The following CASZ1 variants were observed in gnomAD, a reference collection of about 807,000 sequenced individuals.
CASZ1 encodes the protein zinc finger protein castor homolog 1.
In CASZ1, 28 loss-of-function variants were observed where a neutral mutation model predicts 135.2. The observed-to-expected ratio is 0.21, with a 90% CI of 0.15 to 0.28. CASZ1 has a LOEUF of 0.28. Among genes scored for constraint, CASZ1 ranks in the 10% least tolerant of loss-of-function variants. The pLI, the probability that CASZ1 is intolerant of heterozygous loss-of-function variation, is 1.00. For missense variants in CASZ1, 2,161 were observed against 2,453.3 expected (o/e 0.88, Z 2.52); for synonymous variants, 1,068 against 1,073.4 (o/e 0.99, Z 0.10).
chr1:10,647,782 G>T lies in CASZ1; in HGVS notation c.3497+19C>A. On this transcript the variant is annotated intron_variant, in intron 16 of 20. Coordinates refer to ENST00000377022, the MANE Select transcript of CASZ1 (RefSeq NM_001079843.3). The surrounding 1 kb of genome is among the most constrained non-coding windows in gnomAD (Gnocchi z 4.9). ...GACGCGAGGGGAACGCGGGACTCCCGGCTCATCGAGGGACTCACTTCTCCT... is the reference window on the plus strand; with the variant it reads ...GACGCGAGGGGAACGCGGGACTCCCTGCTCATCGAGGGACTCACTTCTCCT... 6.2e-7 allele frequency: 1 copy of T among 1,612,728 alleles called. No homozygotes were observed. The highest frequency in any genetic ancestry group is 8.5e-7 in the Non-Finnish European group (1 of 1,180,006).
intron 3 of CASZ1, among the ~76,000 whole-genome samples, chr1:10,702,565 C>T (rs1037024972): frequency 2.0e-5 from 3 of 152,148 alleles, no homozygotes; most frequent in African/African-American, 4.8e-5. Context: ...AGAGGAATCA[C>T]GAAGACCAGA....
At chr1:10,789,374 C>G (rs925256461) in intron 1 of CASZ1, among the ~76,000 whole-genome samples, 63 of 151,536 alleles carry the variant, frequency 4.2e-4, no homozygotes, top group Non-Finnish European at 1.6e-4. Context: ...CCCCGCACCC[C>G]CTCCTCTGCT....
chr1:10,770,199 C>A (rs1364932077), intron 1 of CASZ1, among the ~76,000 whole-genome samples: 1 of 152,162 alleles, frequency 6.6e-6, no homozygotes, highest in Non-Finnish European at 1.5e-5. Flanking sequence ...ATACTCCCAC[C>A]TCAGCCTCTC....
At position 10,642,990 on chromosome 1, in the gene CASZ1, C is replaced by A; in HGVS notation, c.4031G>T (p.Gly1344Val). The A allele has an allele frequency of 6.2e-7, 1 of 1,612,504 alleles. No homozygotes were observed. The highest frequency in any genetic ancestry group is 8.5e-7 in the Non-Finnish European group (1 of 1,179,604). Residue 1344 changes from glycine (G) to valine (V), a missense_variant, in exon 20 of 21, where the codon GGC becomes GTC. Gly to Val is a moderately radical substitution (Grantham distance 109). Transcript: ENST00000377022. The stretch of plus-strand genomic sequence containing the variant: ...CTCATCTGTCTCAGCATCCATCAGG[C>A]CTGGGGGGCCCTGAAAGGACACGGG... ...DRVPPSQGPP[G>V]LMDAETDECM...
intron 1 of CASZ1, among the ~76,000 whole-genome samples, chr1:10,773,566 T>G (rs1282019978): frequency 6.6e-6 from 1 of 151,632 alleles, no homozygotes; most frequent in Non-Finnish European, 1.5e-5. Flanking sequence ...GGACTGAACA[T>G]GGTGAGGGGA....
intron 9 of CASZ1, among the ~76,000 whole-genome samples, chr1:10,655,021 G>A (rs761913194): frequency 6.6e-5 from 10 of 152,130 alleles, no homozygotes; most frequent in Non-Finnish European, 1.5e-4. Context: ...CTGGGCACGG[G>A]GCCCTCCCAC....
At chr1:10,649,621 G>C in intron 13 of CASZ1, 184 bp from the exon 14 acceptor site, 1 of 659,118 alleles carries the variant, frequency 1.5e-6, no homozygotes, top group Non-Finnish European at 2.5e-6. Flanking sequence ...AGAGCCTGCT[G>C]TGCTGCCCCG....
rs1210252621 is a variant in CASZ1 at position 10,701,876 on chromosome 1, C to T, written c.-24+3616G>A. Among the ~76,000 whole-genome samples the T allele has an allele frequency of 6.6e-6, 1 of 152,168 alleles. No homozygotes were observed. The highest frequency in any genetic ancestry group is 1.5e-5 in the Non-Finnish European group (1 of 68,014). On this transcript the variant is annotated intron_variant, in intron 3 of 20. Coordinates refer to ENST00000377022, the MANE Select transcript of CASZ1 (RefSeq NM_001079843.3). This position sits in a 1 kb window ranked among gnomAD's most constrained non-coding sequence, Gnocchi z 6.3. Reference sequence around the variant, plus strand: ...CCGACCTGAGGGAGCCCATTCCTGCCAGCCTGACAAGCCAGGCCTCAGTTT... The same window carrying T: ...CCGACCTGAGGGAGCCCATTCCTGCTAGCCTGACAAGCCAGGCCTCAGTTT...
Position 10,653,681 on chromosome 1 carries a change from G to C in CASZ1, c.2376C>G (p.Asn792Lys). ...GSIPLALALS[N>K]SGLPTPTPYF... ...AGGGCGTGGGGGTGGGCAGGCCCGA[G>C]TTGGAGAGGGCCAGGGCCAGGGGGA... Residue 792 changes from asparagine (N) to lysine (K), a missense_variant, in exon 11 of 21, where the codon AAC becomes AAG. By Grantham distance (94) the Asn-to-Lys change is moderately conservative. This residue lies in a region of CASZ1 where 406 missense variants were observed against 387.6 expected (regional missense o/e 1.05). Coordinates refer to ENST00000377022, the MANE Select transcript of CASZ1 (RefSeq NM_001079843.3). The C allele has an allele frequency of 6.4e-7, 1 of 1,565,678 alleles. No individual in the cohort carries two copies. Among genetic ancestry groups the C allele is most frequent in the Non-Finnish European group, 8.6e-7 (1 of 1,156,382 alleles).
intron 4 of CASZ1, among the ~76,000 whole-genome samples, chr1:10,672,200 T>G (rs967627815): frequency 2.7e-5 from 4 of 149,924 alleles, no homozygotes; most frequent in African/African-American, 9.9e-5. Context: ...CTGTTTAACC[T>G]TCTCCCCCCT....
In CASZ1 at chr1:10,637,708, G is replaced by A. The variant is rs990201870; in HGVS notation, c.*1234C>T. 1 of 152,314 alleles carries A rather than the reference G, an allele frequency of 6.6e-6. No individual in the cohort carries two copies. The highest frequency in any genetic ancestry group is 2.4e-5 in the African/African-American group (1 of 41,404). 9.4% of individuals were successfully genotyped at this position (152,314 alleles called of 1,614,324 possible). On this transcript the variant is annotated 3_prime_UTR_variant, in exon 21 of 21. Coordinates refer to ENST00000377022, the MANE Select transcript of CASZ1 (RefSeq NM_001079843.3). ...TGCCTGCCAGGTCAGGCCCTGGCCCGGGCTTCGATGGCATCATCATCTCCA... is the reference window on the plus strand; with the variant it reads ...TGCCTGCCAGGTCAGGCCCTGGCCCAGGCTTCGATGGCATCATCATCTCCA...
At position 10,725,147 on chromosome 1, in the gene CASZ1, G is replaced by A. The variant is rs928322019; in HGVS notation, c.-76-19603C>T. 1.3e-5 allele frequency among the ~76,000 whole-genome samples: 2 copies of A among 152,158 alleles called. No individual in the cohort carries two copies. Among genetic ancestry groups the A allele is most frequent in the Non-Finnish European group, 2.9e-5 (2 of 68,020 alleles). ...GGGGTAGGATTCCCTAGTTGGCCAG[G>A]GAGCCCTGGATGGATACGGCGAGAA... On this transcript the variant is annotated intron_variant, in intron 2 of 20. Coordinates refer to ENST00000377022, the MANE Select transcript of CASZ1 (RefSeq NM_001079843.3). The surrounding 1 kb of genome is among the most constrained non-coding windows in gnomAD (Gnocchi z 4.4).
rs529815997 is a variant in CASZ1, at chr1:10,735,951, C to T, written c.-77+24750G>A. Among the ~76,000 whole-genome samples the T allele has an allele frequency of 3.3e-4, 51 of 152,252 alleles. No individual in the cohort carries two copies. In the Middle Eastern group the frequency reaches 0.01, roughly 30 times the overall value. ...CCCTGCGGACACCACTCTCTCCTACCCAGGGGCAGGGCAGTTTGACCTCCT... is the reference window on the plus strand; with the variant it reads ...CCCTGCGGACACCACTCTCTCCTACTCAGGGGCAGGGCAGTTTGACCTCCT... On this transcript the variant is annotated intron_variant, in intron 2 of 20. Coordinates refer to ENST00000377022, the MANE Select transcript of CASZ1 (RefSeq NM_001079843.3). The surrounding 1 kb of genome is among the most constrained non-coding windows in gnomAD (Gnocchi z 5.1).
At position 10,654,675 on chromosome 1, in the gene CASZ1, C is replaced by T. The variant is rs1196036142; in HGVS notation, c.1666-84G>A. Reference sequence around the variant, plus strand: ...CGACACCACTGTGTGTGGCTGGGGCCACTGACTTCCCTGCTCAGGGAAGCT... The same window carrying T: ...CGACACCACTGTGTGTGGCTGGGGCTACTGACTTCCCTGCTCAGGGAAGCT... On this transcript the variant is annotated intron_variant, in intron 9 of 20. Coordinates refer to ENST00000377022, the MANE Select transcript of CASZ1 (RefSeq NM_001079843.3). The T allele has an allele frequency of 6.7e-6, 9 of 1,336,530 alleles. No homozygotes were observed. In the East Asian group the frequency reaches 2.1e-4, roughly 31 times the overall value. The allele number at this position is 1,336,530 out of a possible 1,614,324, so 82.8% of individuals were successfully genotyped here. A position where few individuals can be genotyped will look rare whatever the true frequency, so the allele number is the denominator to read the frequency against.
At chr1:10,671,207 A>G (rs957603616) in intron 4 of CASZ1, among the ~76,000 whole-genome samples, 1 of 152,242 alleles carries the variant, frequency 6.6e-6, no homozygotes, top group African/African-American at 2.4e-5. Context: ...CAGGCTGGCT[A>G]TCAATCTCCC....
intron 1 of CASZ1, among the ~76,000 whole-genome samples, chr1:10,792,185 G>T (rs1570597902): frequency 6.8e-6 from 1 of 146,188 alleles, no homozygotes; most frequent in East Asian, 2.1e-4. Flanking sequence ...CTCAAGTATT[G>T]CCTGTTTTAT....
At position 10,796,586 on chromosome 1, in the gene CASZ1, T is replaced by A. The variant is rs1401132517; in HGVS notation, c.-256A>T. On this transcript the variant is annotated 5_prime_UTR_variant, in exon 1 of 21. Coordinates refer to ENST00000377022, the MANE Select transcript of CASZ1 (RefSeq NM_001079843.3). ...TACCTGCACTTGGGGCGGCTTTGGG[T>A]GACTTTCCAAGTCCGGGGGAAAAAT... 2 of 152,230 alleles carry A rather than the reference T, an allele frequency of 1.3e-5. No homozygotes were observed. Among genetic ancestry groups the A allele is most frequent in the Non-Finnish European group, 2.9e-5 (2 of 68,044 alleles). 9.4% of individuals were successfully genotyped at this position (152,230 alleles called of 1,614,324 possible).
chr1:10,671,337 C>T (rs999456646), intron 4 of CASZ1, among the ~76,000 whole-genome samples: 8 of 152,226 alleles, frequency 5.3e-5, no homozygotes, highest in South Asian at 2.1e-4. Context: ...CGCGCACACA[C>T]GCTCGGATGC....
intron 5 of CASZ1, among the ~76,000 whole-genome samples, chr1:10,664,318 C>T (rs894031791): frequency 6.6e-6 from 1 of 151,978 alleles, no homozygotes; most frequent in African/African-American, 2.4e-5. Context: ...CCTGGCGACC[C>T]CCTTGCCTGC....
Sources: gnomAD v4.1 joint callset for allele counts (sites outside exome capture counted in the v4.1 genomes callset) on GRCh38, gnomAD v4.1.1 for gene constraint, gnomAD v4.1.1 regional missense constraint, Gnocchi (gnomAD v3.1) non-coding constraint, MANE v1.5 for transcripts, NCBI Gene and HGNC (gene_info 2026-07-23, HGNC 2026-07-21) for gene names.